The following MAD2L1 variants were observed in gnomAD, a reference collection of about 807,000 sequenced individuals.
MAD2L1 encodes mitotic arrest deficient 2 like 1.
A neutral mutation model predicts 25.9 loss-of-function variants in MAD2L1; 10 were observed. That is an observed-to-expected ratio of 0.39 (90% confidence interval 0.24 to 0.66). The LOEUF (loss-of-function observed/expected upper bound fraction) is 0.66. MAD2L1 is among the 30% of genes least tolerant of loss of function. The probability of loss-of-function intolerance (pLI) is 0.49; values close to 1 mark genes in which losing one functional copy is unlikely to be tolerated. For missense variants in MAD2L1, 180 were observed against 246.4 expected (o/e 0.73, Z 1.80); for synonymous variants, 81 against 91.8 (o/e 0.88, Z 0.67).
rs774042799 is a variant in MAD2L1, at chr4:120,060,857, AGTT to A, written c.445+14_445+16del. The A allele has an allele frequency of 6.1e-5, 92 of 1,496,688 alleles. No individual in the cohort carries two copies. Among genetic ancestry groups the A allele is most frequent in the Admixed American group, 3.5e-4 (20 of 57,276 alleles). The allele number at this position is 1,496,688 out of a possible 1,614,324, so 92.7% of individuals were successfully genotyped here. A position where few individuals can be genotyped will look rare whatever the true frequency, so the allele number is the denominator to read the frequency against. On this transcript the variant is annotated intron_variant, in intron 4 of 4. Coordinates refer to ENST00000296509, the MANE Select transcript of MAD2L1 (RefSeq NM_002358.4). Reference sequence around the variant, plus strand: ...TGCCAATCAATTTAATTCAACAAGAAGTTGTATAATACTTACAAGAAACTTCCA... The same window carrying A: ...TGCCAATCAATTTAATTCAACAAGAAGTATAATACTTACAAGAAACTTCCA...
chr4:120,060,825 G>A (rs1726201986), intron 4 of MAD2L1, 49 bp downstream of exon 4: 1 of 1,198,846 alleles, frequency 8.3e-7, no homozygotes, highest in East Asian at 2.4e-5. Context: ...CAGTAGCTTA[G>A]TCTTTTTGCC....
intron 1 of MAD2L1, 31 bp downstream of exon 1, chr4:120,066,631 C>A: frequency 6.3e-7 from 1 of 1,583,886 alleles, no homozygotes; most frequent in East Asian, 2.3e-5. Context: ...ACTCCGTTCC[C>A]CCCGATATAT....
At chr4:120,065,211 C>T (rs1231144353) in intron 2 of MAD2L1, among the ~76,000 whole-genome samples, 1 of 152,168 alleles carries the variant, frequency 6.6e-6, no homozygotes, top group African/African-American at 2.4e-5. Context: ...AGTAGCTAAT[C>T]TTTTCTCTTT....
Position 120,060,270 on chromosome 4 carries a change from A to C in MAD2L1, c.466T>G (p.Tyr156Asp). Residue 156 changes from tyrosine to aspartate, a missense_variant, in exon 5 of 5, where the codon TAT becomes GAT. Tyr to Asp is a radical substitution (Grantham distance 160). Transcript: ENST00000296509. ...GGTACAACCAAATCTTTGTCTGTAT[A>C]AATCAGCAGATCAAATGAACCTAAA... ...EVSCSFDLLI[Y>D]TDKDLVVPEK... 6.2e-7 allele frequency: 1 copy of C among 1,610,732 alleles called. No homozygotes were observed. The highest frequency in any genetic ancestry group is 8.5e-7 in the Non-Finnish European group (1 of 1,177,730).
intron 4 of MAD2L1, among the ~76,000 whole-genome samples, chr4:120,060,598 G>A (rs1371759131): frequency 6.6e-6 from 1 of 151,998 alleles, no homozygotes; most frequent in Non-Finnish European, 1.5e-5. Context: ...CTCTTACTAT[G>A]CTTAATTTAC....
chr4:120,066,634 C>A (rs777089604), intron 1 of MAD2L1, 28 bp downstream of exon 1: 39 of 1,584,806 alleles, frequency 2.5e-5, no homozygotes, highest in Non-Finnish European at 2.8e-5. Flanking sequence ...CCGTTCCCCC[C>A]GATATATTGG....
chr4:120,061,980 A>G lies in MAD2L1; in HGVS notation c.336T>C (p.Asp112=), dbSNP rs1376450750. The part of the protein sequence containing the change: ...FDIECDKTAK[D]DSAPREKSQK... Reference sequence around the variant, plus strand: ...ATAATGTAATTCCTATTTACCTGTCATCTTTTGCAGTCTTGTCACACTCAA... The same window carrying G: ...ATAATGTAATTCCTATTTACCTGTCGTCTTTTGCAGTCTTGTCACACTCAA... Residue 112 remains aspartate (D), a synonymous_variant, in exon 3 of 5, where the codon GAT becomes GAC. Coordinates refer to ENST00000296509, the MANE Select transcript of MAD2L1 (RefSeq NM_002358.4). The G allele has an allele frequency of 1.9e-6, 3 of 1,601,776 alleles. No homozygotes were observed. Among genetic ancestry groups the G allele is most frequent in the Non-Finnish European group, 2.6e-6 (3 of 1,176,030 alleles).
Position 120,066,715 on chromosome 4 carries a change from C to T in MAD2L1, c.20G>A (p.Arg7Gln), listed in dbSNP as rs144346584. 2.6e-5 allele frequency: 41 copies of T among 1,602,072 alleles called. No individual in the cohort carries two copies. The highest frequency in any genetic ancestry group is 3.3e-5 in the Non-Finnish European group (39 of 1,171,842). The change falls in exon 1 of 5, where the codon CGG becomes CAG. Residue 7 changes from arginine to glutamine, a missense_variant. Arg to Gln is a conservative substitution (Grantham distance 43). Coordinates refer to ENST00000296509, the MANE Select transcript of MAD2L1 (RefSeq NM_002358.4). MALQLS[R>Q]EQGITLRGSA... Reference sequence around the variant, plus strand: ...CCCGCGCAGGGTGATTCCCTGCTCCCGGGAGAGCTGCAGCGCCATGGCCAG... The same window carrying T: ...CCCGCGCAGGGTGATTCCCTGCTCCTGGGAGAGCTGCAGCGCCATGGCCAG...
intron 4 of MAD2L1, 114 bp from the exon 5 acceptor site, chr4:120,060,404 C>T (rs1726193354): frequency 1.5e-6 from 1 of 684,674 alleles, no homozygotes; most frequent in South Asian, 3.0e-5. Context: ...TTGGCTTGGT[C>T]TCCAATCACT....
rs1477308421 is a variant in MAD2L1, at chr4:120,058,145, C to A, written c.*1973G>T. 1 of 152,250 alleles carries A rather than the reference C, an allele frequency of 6.6e-6. No individual in the cohort carries two copies. Among genetic ancestry groups the A allele is most frequent in the Non-Finnish European group, 1.5e-5 (1 of 68,092 alleles). The allele number at this position is 152,250 out of a possible 1,614,324, so 9.4% of individuals were successfully genotyped here. The stretch of plus-strand genomic sequence containing the variant: ...GTGCTGGGATTACAGGCGCGAGCCA[C>A]TGCGCCCAGCCCAAAATGTGTATTT... On this transcript the variant is annotated 3_prime_UTR_variant, in exon 5 of 5. Transcript: ENST00000296509.
chr4:120,065,528 C>G (rs1467757730), intron 2 of MAD2L1, 144 bp downstream of exon 2: 2 of 669,100 alleles, frequency 3.0e-6, no homozygotes, highest in East Asian at 2.8e-5. Flanking sequence ...GAGTGTATTT[C>G]TTCCATTTTA....
chr4:120,060,854 A>G lies in MAD2L1; in HGVS notation c.445+20T>C, dbSNP rs547566990. ...TTTTGCCAATCAATTTAATTCAACA[A>G]GAAGTTGTATAATACTTACAAGAAA... is the stretch of plus-strand genomic sequence containing the variant. On this transcript the variant is annotated intron_variant, in intron 4 of 4. Coordinates refer to ENST00000296509, the MANE Select transcript of MAD2L1 (RefSeq NM_002358.4). 73 of 1,487,044 alleles carry G rather than the reference A, an allele frequency of 4.9e-5. No individual in the cohort carries two copies. In the South Asian group the frequency reaches 8.3e-4, roughly 17 times the overall value. The allele number at this position is 1,487,044 out of a possible 1,614,324, so 92.1% of individuals were successfully genotyped here. A position where few individuals can be genotyped will look rare whatever the true frequency, so the allele number is the denominator to read the frequency against.
At chr4:120,065,536 TTA>T in intron 2 of MAD2L1, 134 bp downstream of exon 2, 1 of 701,472 alleles carries the variant, frequency 1.4e-6, no homozygotes, top group Admixed American at 3.0e-5. Context: ...TTCTTCCATT[TTA>T]TATATTATTT....
At chr4:120,065,441 G>A (rs1726298468) in intron 2 of MAD2L1, 7 of 421,494 alleles carry the variant, frequency 1.7e-5, no homozygotes, top group Non-Finnish European at 3.0e-5. Flanking sequence ...GGGAGTTGAT[G>A]AAGACTATTT....
At chr4:120,060,671 T>C (rs1042244199) in intron 4 of MAD2L1, among the ~76,000 whole-genome samples, 2 of 152,162 alleles carry the variant, frequency 1.3e-5, no homozygotes, top group African/African-American at 2.4e-5. Context: ...GTTCATACTA[T>C]CCATGGTTTC....
At chr4:120,061,041 T>C in intron 3 of MAD2L1, 64 bp from the exon 4 acceptor site, 1 of 922,780 alleles carries the variant, frequency 1.1e-6, no homozygotes, top group Non-Finnish European at 1.8e-6. Context: ...TCAAACATAG[T>C]GGTTAGATTA....
At chr4:120,066,620 G>A (rs1726326016) in intron 1 of MAD2L1, 42 bp downstream of exon 1, 1 of 1,563,702 alleles carries the variant, frequency 6.4e-7, no homozygotes, top group Non-Finnish European at 8.8e-7. Context: ...GAGCCGTCAC[G>A]ACTCCGTTCC....
intron 2 of MAD2L1, among the ~76,000 whole-genome samples, chr4:120,063,484 C>A (rs1401172778): frequency 1.3e-5 from 2 of 152,130 alleles, no homozygotes; most frequent in African/African-American, 4.8e-5. Flanking sequence ...CAAAAACAGG[C>A]CACTTGTTGG....
Position 120,066,759 on chromosome 4 carries a change from G to A in MAD2L1, c.-25C>T. ...TGGCCAGGGACACAAACAAAAGCAC[G>A]CGCTTCCACTCCGCGGACAGCAACC... On this transcript the variant is annotated 5_prime_UTR_variant, in exon 1 of 5. Coordinates refer to ENST00000296509, the MANE Select transcript of MAD2L1 (RefSeq NM_002358.4). The A allele has an allele frequency of 1.1e-5, 18 of 1,567,808 alleles. No individual in the cohort carries two copies. The highest frequency in any genetic ancestry group is 1.6e-5 in the Non-Finnish European group (18 of 1,143,184).
Sources: gnomAD v4.1 joint callset for allele counts (sites outside exome capture counted in the v4.1 genomes callset) on GRCh38, gnomAD v4.1.1 for gene constraint, MANE v1.5 for transcripts, NCBI Gene and HGNC (gene_info 2026-07-23, HGNC 2026-07-21) for gene names.